The following DAB1 variants were observed in gnomAD, a reference collection of about 807,000 sequenced individuals.
DAB1 encodes the protein DAB adaptor protein 1, also known as disabled homolog 1.
DAB1 carries 15 observed loss-of-function variants against 64.6 expected under a neutral mutation model. The ratio of observed to expected loss-of-function variants is 0.23; its 90% CI spans 0.16 to 0.36. The LOEUF is 0.36. Among genes scored for constraint, DAB1 ranks in the 10% least tolerant of loss-of-function variants. The pLI, the probability that DAB1 is intolerant of heterozygous loss-of-function variation, is 1.00. For synonymous variants in DAB1, 235 were observed against 251.9 expected (o/e 0.93, Z 0.64); for missense variants, 596 against 706.7 (o/e 0.84, Z 1.78).
chr1:57,826,524 T>TG (rs1652358216), intron 1 of DAB1: 1 of 152,096 alleles, frequency 6.6e-6, no homozygotes, highest in Admixed American at 6.6e-5. Flanking sequence ...GCAGAGATAG[T>TG]GGGGAGGGGC....
intron 6 of DAB1, among the ~76,000 whole-genome samples, chr1:57,739,625 G>A (rs1647880330): frequency 6.6e-6 from 1 of 150,892 alleles, no homozygotes; most frequent in Non-Finnish European, 1.5e-5. Context: ...CTAATTTTCT[G>A]TATTTTTAGT....
At chr1:57,361,016 C>A (rs905706552) in intron 1 of DAB1, among the ~76,000 whole-genome samples, 1 of 152,012 alleles carries the variant, frequency 6.6e-6, no homozygotes, top group Non-Finnish European at 1.5e-5. Context: ...AGGAGAGAGG[C>A]CCCCCTTTAA....
chr1:58,499,024 A>G (rs1167743838), intron 3 of DAB1, among the ~76,000 whole-genome samples: 1 of 152,148 alleles, frequency 6.6e-6, no homozygotes, highest in Non-Finnish European at 1.5e-5. Context: ...ACCTATAAAA[A>G]CATTTTATAA....
rs377542955 is a variant in DAB1 at position 58,155,394 on chromosome 1, C to T, written n.310-4806G>A. The stretch of plus-strand genomic sequence containing the variant: ...GTGCTGCTGAACATCCTATAACACA[C>T]GAGACCCCATCCCCCAACAAAGAAT... On this transcript the variant is annotated intron_variant and non_coding_transcript_variant, in intron 4 of 20. Transcript: ENST00000485760. Among the ~76,000 whole-genome samples the T allele has an allele frequency of 5.6e-4, 85 of 152,220 alleles. 4 individuals carry two copies. In the South Asian group the frequency reaches 0.017, roughly 30 times the overall value.
intron 1 of DAB1, among the ~76,000 whole-genome samples, chr1:57,299,717 T>A (rs1268811764): frequency 6.6e-6 from 1 of 152,072 alleles, no homozygotes. Context: ...TACAAAAACA[T>A]ATCTACCAGT....
intron 4 of DAB1, among the ~76,000 whole-genome samples, chr1:58,331,532 G>A (rs1192079168): frequency 6.6e-6 from 1 of 152,166 alleles, no homozygotes; most frequent in Admixed American, 6.5e-5. Context: ...GATAGAAAGA[G>A]TCCACTGATG....
At chr1:58,284,182 C>T (rs1661630872) in intron 4 of DAB1, among the ~76,000 whole-genome samples, 1 of 152,188 alleles carries the variant, frequency 6.6e-6, no homozygotes, top group Admixed American at 6.5e-5. Flanking sequence ...CTTCTCCATC[C>T]ATATGGGAAC....
At chr1:57,210,046 T>A (rs1399526980) in intron 2 of DAB1, among the ~76,000 whole-genome samples, 2 of 152,226 alleles carry the variant, frequency 1.3e-5, no homozygotes, top group Non-Finnish European at 2.9e-5. Context: ...AGTTTCCTCA[T>A]TAATAAAATT....
chr1:58,347,104 G>GT (rs770602602), intron 3 of DAB1, among the ~76,000 whole-genome samples: 1 of 150,688 alleles, frequency 6.6e-6, no homozygotes, highest in African/African-American at 2.4e-5. Context: ...GTTTTGTTTT[G>GT]TTTGTTTGTT....
At chr1:57,566,345 C>T (rs1645120254) in intron 7 of DAB1, among the ~76,000 whole-genome samples, 1 of 152,022 alleles carries the variant, frequency 6.6e-6, no homozygotes, top group Non-Finnish European at 1.5e-5. Flanking sequence ...AATTGACAAC[C>T]TAACATCACA....
intron 1 of DAB1, among the ~76,000 whole-genome samples, chr1:57,314,832 C>A (rs901670296): frequency 1.3e-5 from 2 of 151,584 alleles, no homozygotes. Flanking sequence ...TGAACAGGTA[C>A]ACAGACGGGA....
intron 7 of DAB1, among the ~76,000 whole-genome samples, chr1:57,618,125 G>A (rs890837169): frequency 2.0e-5 from 3 of 152,092 alleles, no homozygotes; most frequent in African/African-American, 4.8e-5. Flanking sequence ...CATACTAAAG[G>A]AGAAGAAGAC....
At chr1:58,088,504 C>G (rs532219506) in intron 5 of DAB1, among the ~76,000 whole-genome samples, 2 of 152,158 alleles carry the variant, frequency 1.3e-5, no homozygotes, top group African/African-American at 4.8e-5. Flanking sequence ...AAATAGCCAC[C>G]AGGAAGAAAT....
At chr1:57,440,290 G>A (rs1446628793) in intron 7 of DAB1, among the ~76,000 whole-genome samples, 3 of 152,212 alleles carry the variant, frequency 2.0e-5, no homozygotes, top group African/African-American at 4.8e-5. Flanking sequence ...TAGATGCTAA[G>A]CTGCTTATAA....
intron 1 of DAB1, among the ~76,000 whole-genome samples, chr1:58,540,528 G>A (rs1211484055): frequency 6.6e-6 from 1 of 151,274 alleles, no homozygotes; most frequent in Non-Finnish European, 1.5e-5. Flanking sequence ...AGCATGTTAT[G>A]TAGAGATATG....
chr1:57,578,218 C>A (rs1645272966), intron 7 of DAB1, among the ~76,000 whole-genome samples: 1 of 152,218 alleles, frequency 6.6e-6, no homozygotes. Flanking sequence ...TCAGATGCAT[C>A]TATTTTTGAA....
intron 3 of DAB1, among the ~76,000 whole-genome samples, chr1:58,491,944 C>T (rs1393940090): frequency 6.6e-6 from 1 of 152,142 alleles, no homozygotes; most frequent in Non-Finnish European, 1.5e-5. Flanking sequence ...CTCTCCACCC[C>T]AAATCAACAG....
chr1:57,918,552 C>T (rs1056989909), intron 5 of DAB1, among the ~76,000 whole-genome samples: 56 of 152,206 alleles, frequency 3.7e-4, no homozygotes, highest in African/African-American at 1.0e-3. Flanking sequence ...AAGCCAGGCG[C>T]GGTGGCTCAC....
At chr1:57,589,831 A>C (rs1403811112) in intron 7 of DAB1, among the ~76,000 whole-genome samples, 3 of 152,144 alleles carry the variant, frequency 2.0e-5, no homozygotes, top group Admixed American at 2.0e-4. Flanking sequence ...TTTCCCCTTC[A>C]ATAGGGGGAA....
Sources: gnomAD v4.1 joint callset for allele counts (sites outside exome capture counted in the v4.1 genomes callset) on GRCh38, gnomAD v4.1.1 for gene constraint, MANE v1.5 for transcripts, NCBI Gene and HGNC (gene_info 2026-07-23, HGNC 2026-07-21) for gene names.